The following ADAMTSL1 variants were observed in gnomAD, a reference collection of about 807,000 sequenced individuals.
ADAMTSL1 encodes the protein ADAMTS-like protein 1.
Under a neutral mutation model 201.8 loss-of-function variants are expected in ADAMTSL1, and 126 were observed. That is an observed-to-expected ratio of 0.62 (90% CI 0.54 to 0.72). ADAMTSL1 has a LOEUF of 0.72. ADAMTSL1 is among the 30% of genes least tolerant of loss of function. The probability of loss-of-function intolerance (pLI) is 0.00; values close to 1 mark genes in which losing one functional copy is unlikely to be tolerated. For missense variants in ADAMTSL1, 2,679 were observed against 2,277.8 expected, an observed-to-expected ratio of 1.18 and a Z score of -3.59; for synonymous variants, 1,121 against 903.4, an observed-to-expected ratio of 1.24 and a Z score of -4.32.
intron 1 of ADAMTSL1, among the ~76,000 whole-genome samples, chr9:17,916,540 A>C (rs944217436): frequency 2.6e-5 from 4 of 152,092 alleles, no homozygotes; most frequent in African/African-American, 9.7e-5. Context: ...ATGGATGTTA[A>C]ATTGTTTTTG....
intron 1 of ADAMTSL1, among the ~76,000 whole-genome samples, chr9:18,128,034 G>C (rs1310227864): frequency 6.6e-6 from 1 of 152,160 alleles, no homozygotes. Context: ...TTGCCTGTTG[G>C]TTGCTCAGTT....
chr9:18,260,102 G>T (rs1831856786), intron 2 of ADAMTSL1, among the ~76,000 whole-genome samples: 1 of 152,178 alleles, frequency 6.6e-6, no homozygotes. Flanking sequence ...ACACTATTAT[G>T]TATTGTTTAT....
intron 23 of ADAMTSL1, among the ~76,000 whole-genome samples, chr9:18,856,071 T>C (rs1402536613): frequency 1.3e-5 from 2 of 152,202 alleles, no homozygotes; most frequent in Non-Finnish European, 2.9e-5. Flanking sequence ...GAAAGGCATG[T>C]TCAGAAACTG....
At chr9:18,046,562 A>G (rs1357711116) in intron 1 of ADAMTSL1, among the ~76,000 whole-genome samples, 1 of 152,196 alleles carries the variant, frequency 6.6e-6, no homozygotes, top group Non-Finnish European at 1.5e-5. Flanking sequence ...CCATGTGTCC[A>G]GCTAAAAATT....
At chr9:18,752,161 G>A (rs892990731) in intron 15 of ADAMTSL1, among the ~76,000 whole-genome samples, 1 of 152,052 alleles carries the variant, frequency 6.6e-6, no homozygotes, top group African/African-American at 2.4e-5. Context: ...AAACCATGGG[G>A]CATAACTGGA....
At chr9:18,629,422 C>T (rs566623790) in intron 5 of ADAMTSL1, among the ~76,000 whole-genome samples, 5 of 152,214 alleles carry the variant, frequency 3.3e-5, no homozygotes, top group Non-Finnish European at 7.4e-5. Flanking sequence ...AGTTCCCTTC[C>T]TTTCCTGGTT....
intron 17 of ADAMTSL1, among the ~76,000 whole-genome samples, chr9:18,773,704 T>C (rs1588082998): frequency 6.6e-6 from 1 of 152,200 alleles, no homozygotes; most frequent in South Asian, 2.1e-4. Flanking sequence ...TCCAGAGATA[T>C]GGAAATTGAA....
At chr9:18,808,719 T>C (rs1412749717) in intron 20 of ADAMTSL1, among the ~76,000 whole-genome samples, 3 of 152,214 alleles carry the variant, frequency 2.0e-5, no homozygotes, top group Non-Finnish European at 4.4e-5. Context: ...GCAGGACAGA[T>C]TATATTTTAA....
intron 3 of ADAMTSL1, among the ~76,000 whole-genome samples, chr9:18,573,632 C>A (rs1158549751): frequency 1.3e-5 from 2 of 152,124 alleles, no homozygotes; most frequent in African/African-American, 4.8e-5. Context: ...AATATCAGAA[C>A]TGAAAGAGAC....
chr9:18,259,218 G>A (rs1831817643), intron 2 of ADAMTSL1, among the ~76,000 whole-genome samples: 1 of 152,132 alleles, frequency 6.6e-6, no homozygotes, highest in Non-Finnish European at 1.5e-5. Context: ...CAAACTTTAG[G>A]AATGAAAGGC....
chr9:18,447,794 T>G (rs1426446486), intron 2 of ADAMTSL1, among the ~76,000 whole-genome samples: 1 of 152,204 alleles, frequency 6.6e-6, no homozygotes, highest in African/African-American at 2.4e-5. Flanking sequence ...TTGCTTCCTT[T>G]CTCTATATGC....
In ADAMTSL1 at chr9:18,831,141, GA is replaced by G. The variant is rs1349572414; in HGVS notation, c.4249+1169del. ...AATCTTCACAGCTTATCAGCATATG[GA>G]AAAATCTGATTTCTCTATTTTTGAC... On this transcript the variant is annotated intron_variant, in intron 23 of 28. Coordinates refer to ENST00000380548, the MANE Select transcript of ADAMTSL1 (RefSeq NM_001040272.6). 9.8e-5 allele frequency among the ~76,000 whole-genome samples: 15 copies of G among 152,300 alleles called. No individual in the cohort carries two copies. The South Asian group carries it at 2.7e-3, about 27-fold the overall frequency.
intron 2 of ADAMTSL1, among the ~76,000 whole-genome samples, chr9:18,220,474 T>G (rs1277347233): frequency 6.6e-6 from 1 of 152,180 alleles, no homozygotes; most frequent in Non-Finnish European, 1.5e-5. Context: ...TTTTTTAAAA[T>G]TTTTCAATAC....
At chr9:18,727,139 A>T (rs1313133950) in intron 15 of ADAMTSL1, among the ~76,000 whole-genome samples, 1 of 152,262 alleles carries the variant, frequency 6.6e-6, no homozygotes, top group Non-Finnish European at 1.5e-5. Context: ...TTAGCTTACA[A>T]TGGCTAGAGC....
chr9:18,076,303 C>T (rs958492418), intron 1 of ADAMTSL1, among the ~76,000 whole-genome samples: 1 of 152,320 alleles, frequency 6.6e-6, no homozygotes, highest in East Asian at 1.9e-4. Context: ...TTCTTCTGCA[C>T]ATCTTACTGA....
chr9:17,918,632 T>G (rs1175998913), intron 1 of ADAMTSL1, among the ~76,000 whole-genome samples: 2 of 151,888 alleles, frequency 1.3e-5, no homozygotes, highest in African/African-American at 4.8e-5. Context: ...CTATTTTTTT[T>G]TCCCGATCAG....
At chr9:18,874,244 A>G (rs577249119) in intron 23 of ADAMTSL1, among the ~76,000 whole-genome samples, 3 of 152,278 alleles carry the variant, frequency 2.0e-5, no homozygotes, top group East Asian at 1.9e-4. Flanking sequence ...GTGAACAGCA[A>G]CAGTTTTACT....
At chr9:18,085,242 C>A (rs1304896642) in intron 1 of ADAMTSL1, among the ~76,000 whole-genome samples, 2 of 152,000 alleles carry the variant, frequency 1.3e-5, no homozygotes, top group Non-Finnish European at 2.9e-5. Context: ...GAACTAATGC[C>A]CATATTGCCT....
At chr9:18,650,185 C>T (rs1296421077) in intron 7 of ADAMTSL1, among the ~76,000 whole-genome samples, 3 of 152,210 alleles carry the variant, frequency 2.0e-5, no homozygotes, top group Admixed American at 1.3e-4. Context: ...GGGCGTGGGA[C>T]CCTCTGAGCC....
Sources: gnomAD v4.1 joint callset for allele counts (sites outside exome capture counted in the v4.1 genomes callset) on GRCh38, gnomAD v4.1.1 for gene constraint, MANE v1.5 for transcripts, NCBI Gene and HGNC (gene_info 2026-07-23, HGNC 2026-07-21) for gene names.